ARIH2: variants seen among roughly 807,000 people sequenced by gnomAD.
ARIH2 encodes ariadne RBR E3 ubiquitin protein ligase 2, also known as E3 ubiquitin-protein ligase ARIH2.
A neutral mutation model predicts 79.8 loss-of-function variants in ARIH2; 12 were observed. That is an observed-to-expected ratio of 0.15 (90% CI 0.10 to 0.24). The LOEUF (loss-of-function observed/expected upper bound fraction) is 0.24, where lower values mean the gene tolerates loss of function less well. Among genes scored for constraint, ARIH2 ranks in the 10% least tolerant of loss-of-function variants. ARIH2 has a pLI of 1.00. For synonymous variants in ARIH2, 224 were observed against 213.9 expected (o/e 1.05, Z -0.41); for missense variants, 301 against 618.3 (o/e 0.49, Z 5.44).
At chr3:48,922,425 T>A (rs1293916319) in intron 1 of ARIH2, 1 of 152,054 alleles carries the variant, frequency 6.6e-6, no homozygotes, top group East Asian at 1.9e-4. Context: ...TGCCTCAGCC[T>A]TCCGAGTAGC....
Position 48,974,367 on chromosome 3 carries a change from T to C in ARIH2, c.889-450T>C, listed in dbSNP as rs142414686. Among the ~76,000 whole-genome samples, 1,193 of 152,364 alleles carry C rather than the reference T, an allele frequency of 7.8e-3. 11 individuals carry two copies. The highest frequency in any genetic ancestry group is 0.027 in the African/African-American group (1,136 of 41,592). ...AGCATCAGACTGGTGTCTTCATTGC[T>C]GCCTCAGGTTGCTGGCATCTCTCAA... On this transcript the variant is annotated intron_variant, in intron 9 of 15. Transcript: ENST00000356401.
chr3:48,937,241 A>G (rs887684453), intron 3 of ARIH2, among the ~76,000 whole-genome samples: 5 of 152,186 alleles, frequency 3.3e-5, no homozygotes, highest in Non-Finnish European at 7.4e-5. Flanking sequence ...AGTCTCTTCA[A>G]TTCTGTCACC....
chr3:48,980,229 G>A, intron 12 of ARIH2, 124 bp from the exon 13 acceptor site: 1 of 968,408 alleles, frequency 1.0e-6, no homozygotes, highest in Non-Finnish European at 1.5e-6. Context: ...CTTGCACTTT[G>A]GGGAATAAGT....
At chr3:48,967,719 A>C (rs570654319) in intron 6 of ARIH2, among the ~76,000 whole-genome samples, 2 of 152,238 alleles carry the variant, frequency 1.3e-5, no homozygotes, top group African/African-American at 4.8e-5. Flanking sequence ...TGATATCTGC[A>C]AAGTCCCACA....
At chr3:48,934,219 C>T in intron 3 of ARIH2, 1 of 368,806 alleles carries the variant, frequency 2.7e-6, no homozygotes, top group Non-Finnish European at 3.8e-6. Context: ...GTAACGTGAT[C>T]AATTGGTGTT....
intron 3 of ARIH2, among the ~76,000 whole-genome samples, chr3:48,958,094 A>G (rs2090818391): frequency 6.6e-6 from 1 of 152,206 alleles, no homozygotes; most frequent in South Asian, 2.1e-4. Context: ...CCCGTGCTGC[A>G]GGAGGATCAC....
chr3:48,919,280 C>T (rs1038160839), intron 1 of ARIH2: 2 of 1,110,788 alleles, frequency 1.8e-6, no homozygotes, highest in Admixed American at 4.3e-5. Flanking sequence ...GCCCTCTCTC[C>T]CTGTCTGGCG....
At chr3:48,955,298 C>T (rs1262623297) in intron 3 of ARIH2, among the ~76,000 whole-genome samples, 1 of 151,676 alleles carries the variant, frequency 6.6e-6, no homozygotes, top group Non-Finnish European at 1.5e-5. Flanking sequence ...CTGAACACCA[C>T]ATTGGTCACA....
intron 3 of ARIH2, among the ~76,000 whole-genome samples, chr3:48,935,988 G>T (rs970250767): frequency 1.1e-4 from 16 of 152,192 alleles, no homozygotes; most frequent in African/African-American, 3.9e-4. Context: ...CCCACCAAAA[G>T]AAAAGTAAAA....
At chr3:48,955,463 C>T (rs1301114599) in intron 3 of ARIH2, among the ~76,000 whole-genome samples, 1 of 152,042 alleles carries the variant, frequency 6.6e-6, no homozygotes, top group African/African-American at 2.4e-5. Context: ...TTGTTAGCTC[C>T]TTCATTACAA....
intron 5 of ARIH2, among the ~76,000 whole-genome samples, chr3:48,965,865 G>A (rs2091747595): frequency 6.6e-6 from 1 of 152,050 alleles, no homozygotes; most frequent in Non-Finnish European, 1.5e-5. Context: ...GGAGGCTGAG[G>A]CAGGAGAACT....
intron 3 of ARIH2, among the ~76,000 whole-genome samples, chr3:48,933,936 T>G (rs2107070147): frequency 6.6e-6 from 1 of 152,328 alleles, no homozygotes; most frequent in South Asian, 2.1e-4. Context: ...CATTTCTTCT[T>G]GCTTTATGAA....
intron 3 of ARIH2, among the ~76,000 whole-genome samples, chr3:48,933,541 CTTT>C (rs779068845): frequency 4.0e-5 from 5 of 125,842 alleles, no homozygotes; most frequent in African/African-American, 2.9e-5. Context: ...ATATTGCTCA[CTTT>C]TTTTTTTTTT....
intron 3 of ARIH2, among the ~76,000 whole-genome samples, chr3:48,952,018 C>T (rs1227525076): frequency 1.3e-5 from 2 of 152,000 alleles, no homozygotes; most frequent in African/African-American, 2.4e-5. Flanking sequence ...ATTTTTCTAG[C>T]GTCTTAGGTT....
chr3:48,948,510 A>G (rs1048198015), intron 3 of ARIH2, among the ~76,000 whole-genome samples: 1 of 146,542 alleles, frequency 6.8e-6, no homozygotes, highest in Admixed American at 6.9e-5. Context: ...CTGGTCTGGA[A>G]CTCCCAACCT....
At chr3:48,921,325 C>G (rs1440925247) in intron 1 of ARIH2, among the ~76,000 whole-genome samples, 1 of 132,658 alleles carries the variant, frequency 7.5e-6, no homozygotes, top group South Asian at 3.0e-4. Flanking sequence ...TAAATCTGCA[C>G]CTAGAACATT....
At chr3:48,940,296 G>A (rs959145663) in intron 3 of ARIH2, among the ~76,000 whole-genome samples, 9 of 152,204 alleles carry the variant, frequency 5.9e-5, no homozygotes, top group African/African-American at 2.2e-4. Context: ...CTTGAACCCG[G>A]GAGGTGGAGG....
intron 2 of ARIH2, chr3:48,927,060 G>C (rs914650097): frequency 1.2e-5 from 2 of 170,798 alleles, no homozygotes; most frequent in South Asian, 2.6e-4. Context: ...TACTAACGGG[G>C]CATGATAAGC....
chr3:48,944,849 C>A, intron 3 of ARIH2: 2 of 311,998 alleles, frequency 6.4e-6, no homozygotes, highest in East Asian at 8.9e-5. Flanking sequence ...CATCCCTTGT[C>A]CCCCGGACCC....
Sources: gnomAD v4.1 joint callset for allele counts (sites outside exome capture counted in the v4.1 genomes callset) on GRCh38, gnomAD v4.1.1 for gene constraint, MANE v1.5 for transcripts, NCBI Gene and HGNC (gene_info 2026-07-23, HGNC 2026-07-21) for gene names.